The following MINK1 variants were observed in gnomAD, a reference collection of about 807,000 sequenced individuals.
MINK1 encodes the protein misshapen like kinase 1, also known as misshapen-like kinase 1.
Under a neutral mutation model 178.4 loss-of-function variants are expected in MINK1, and 46 were observed. That is an observed-to-expected ratio of 0.26 (90% CI 0.20 to 0.33). The LOEUF (loss-of-function observed/expected upper bound fraction) is 0.33. Ranked by LOEUF, MINK1 falls within the 10% of genes least tolerant of loss-of-function variation. The probability of loss-of-function intolerance (pLI) is 1.00; values close to 1 mark genes in which losing one functional copy is unlikely to be tolerated. For synonymous variants in MINK1, 797 were observed against 709.7 expected (o/e 1.12, Z -1.96); for missense variants, 1,366 against 1,814.9 (o/e 0.75, Z 4.49).
chr17:4,888,841 G>C (rs993750771), intron 12 of MINK1, among the ~76,000 whole-genome samples: 2 of 151,866 alleles, frequency 1.3e-5, no homozygotes, highest in African/African-American at 2.4e-5. Flanking sequence ...GGGATTACAG[G>C]AATGCGCCAC....
intron 1 of MINK1, chr17:4,871,145 A>T: frequency 3.9e-6 from 1 of 253,270 alleles, no homozygotes; most frequent in East Asian, 1.4e-4. Context: ...AACATCTAGC[A>T]GTAGTTTATT....
chr17:4,887,684 T>TGCA lies in MINK1; in HGVS notation c.1139_1141dup (p.Gln380dup), dbSNP rs752399585. The TGCA allele has an allele frequency of 3.6e-5, 56 of 1,561,096 alleles. No individual in the cohort carries two copies. Among genetic ancestry groups the TGCA allele is most frequent in the Middle Eastern group, 1.7e-4 (1 of 5,966 alleles). ...GAGGCTTTAAAACAGCAGCAGCAGC[T>TGCA]GCAGCAGCAGCAGCAGCGAGACCCC... On this transcript the variant is annotated inframe_insertion, in exon 12 of 32. Transcript: ENST00000355280. The surrounding 1 kb of genome is among the most constrained non-coding windows in gnomAD (Gnocchi z 7.6).
Position 4,896,420 on chromosome 17 carries a change from TC to T in MINK1, c.3616-8del. 1 of 1,613,186 alleles carries T rather than the reference TC, an allele frequency of 6.2e-7. No homozygotes were observed. The highest frequency in any genetic ancestry group is 8.5e-7 in the Non-Finnish European group (1 of 1,179,494). ...ACACGGAGACTCTAGTCCCCCTCCT[TC>T]TCCCCAGATCCAGAGCCAGATCACG... On this transcript the variant is annotated splice_region_variant and splice_polypyrimidine_tract_variant and intron_variant, in intron 29 of 31. Coordinates refer to ENST00000355280, the MANE Select transcript of MINK1 (RefSeq NM_153827.5). This position sits in a 1 kb window ranked among gnomAD's most constrained non-coding sequence, Gnocchi z 4.6.
rs367728928 is a variant in MINK1 at position 4,887,069 on chromosome 17, G to A, written c.950-41G>A. ...GGTTTCCCTAGCCCACGGCGGGTCT[G>A]GGGCGCTGGGTGAGATAACTGCAGT... On this transcript the variant is annotated intron_variant, in intron 10 of 31. Transcript: ENST00000355280. This position sits in a 1 kb window ranked among gnomAD's most constrained non-coding sequence, Gnocchi z 7.6. 3.9e-6 allele frequency: 6 copies of A among 1,551,352 alleles called. No homozygotes were observed. Among genetic ancestry groups the A allele is most frequent in the Admixed American group, 1.9e-5 (1 of 51,476 alleles).
chr17:4,874,866 A>G (rs1467256915), intron 1 of MINK1, among the ~76,000 whole-genome samples: 1 of 152,180 alleles, frequency 6.6e-6, no homozygotes, highest in African/African-American at 2.4e-5. Context: ...TTCCTCCCTC[A>G]GTGCCGCCCA....
chr17:4,834,906 G>A, intron 1 of MINK1: 2 of 518,378 alleles, frequency 3.9e-6, no homozygotes, highest in Admixed American at 2.0e-5. Flanking sequence ...GGGGAGAGGG[G>A]AATTGAAGAG....
intron 15 of MINK1, 82 bp downstream of exon 15, chr17:4,891,206 A>ACACG (rs1968774087): frequency 2.1e-6 from 1 of 466,834 alleles, no homozygotes; most frequent in African/African-American, 1.8e-5. Context: ...GCGCGCACAC[A>ACACG]CACACACACA....
At chr17:4,860,674 G>C in intron 1 of MINK1, 1 of 517,508 alleles carries the variant, frequency 1.9e-6, no homozygotes, top group East Asian at 5.5e-5. Context: ...GAGGAGTCCA[G>C]GGAGTCCCTT....
intron 19 of MINK1, 97 bp downstream of exon 19, chr17:4,892,865 C>T: frequency 1.5e-6 from 2 of 1,376,724 alleles, no homozygotes; most frequent in African/African-American, 1.5e-5. Flanking sequence ...CCCACACGGA[C>T]AGGGAGGACC....
At position 4,895,372 on chromosome 17, in the gene MINK1, G is replaced by A. The variant is rs747366984; in HGVS notation, c.3108G>A (p.Thr1036=). The A allele has an allele frequency of 1.9e-5, 31 of 1,607,614 alleles. No individual in the cohort carries two copies. The highest frequency in any genetic ancestry group is 3.3e-4 in the Middle Eastern group (2 of 6,048). The change falls in exon 26 of 32, where the codon ACG becomes ACA. Residue 1036 remains threonine (T), a synonymous_variant. Transcript: ENST00000355280. The surrounding 1 kb of genome is among the most constrained non-coding windows in gnomAD (Gnocchi z 4.3). ...ALWGVNLLVG[T]ENGLMLLDRS... is the part of the protein sequence containing the mutation. ...CAGGGGTCAACCTGCTGGTGGGCACGGAGAACGGGCTGATGTTGCTGGACC... is the reference window on the plus strand; with the variant it reads ...CAGGGGTCAACCTGCTGGTGGGCACAGAGAACGGGCTGATGTTGCTGGACC...
rs772656360 is a variant in MINK1, at chr17:4,892,992, G to A, written c.2325G>A (p.Pro775=). 2.9e-5 allele frequency: 46 copies of A among 1,575,546 alleles called. No individual in the cohort carries two copies. The highest frequency in any genetic ancestry group is 3.5e-5 in the Non-Finnish European group (41 of 1,162,068). The part of the protein sequence containing the change: ...ERNRVGVSSK[P]DSSPVLSPGN... ...CCTGCCGTCCAGTCTCCTCCAAACC[G>A]GACAGCTCCCCTGTGCTCTCCCCTG... is the stretch of plus-strand genomic sequence containing the variant. Residue 775 remains proline (P), a synonymous_variant, in exon 20 of 32, where the codon CCG becomes CCA. Coordinates refer to ENST00000355280, the MANE Select transcript of MINK1 (RefSeq NM_153827.5).
At chr17:4,869,519 C>A (rs977842790) in intron 1 of MINK1, among the ~76,000 whole-genome samples, 1 of 149,354 alleles carries the variant, frequency 6.7e-6, no homozygotes, top group African/African-American at 2.5e-5. Flanking sequence ...TCAAGTGATC[C>A]TCCTGCCTCG....
intron 1 of MINK1, among the ~76,000 whole-genome samples, chr17:4,868,502 C>A (rs2150931097): frequency 6.6e-6 from 1 of 152,276 alleles, no homozygotes; most frequent in African/African-American, 2.4e-5. Context: ...ATGAGAGAGT[C>A]CATGTAATGT....
intron 1 of MINK1, among the ~76,000 whole-genome samples, chr17:4,858,085 A>G (rs1303761576): frequency 1.3e-5 from 2 of 152,164 alleles, no homozygotes; most frequent in African/African-American, 4.8e-5. Flanking sequence ...GATAGGTTTT[A>G]AAGCTCCATT....
rs767248956 is a variant in MINK1 at position 4,886,527 on chromosome 17, C to T, written c.850C>T (p.Leu284=). 23 of 1,613,662 alleles carry T rather than the reference C, an allele frequency of 1.4e-5. No homozygotes were observed. The highest frequency in any genetic ancestry group is 1.9e-5 in the Non-Finnish European group (22 of 1,179,808). The stretch of plus-strand genomic sequence containing the variant: ...GAGCCGCCCACCCACGGAGCAGCTA[C>T]TGAAGTTTCCCTTCATCCGGGACCA... ...YLSRPPTEQL[L]KFPFIRDQPT... The change falls in exon 10 of 32, where the codon CTG becomes TTG. Residue 284 remains leucine, a synonymous_variant. Coordinates refer to ENST00000355280, the MANE Select transcript of MINK1 (RefSeq NM_153827.5). This position sits in a 1 kb window ranked among gnomAD's most constrained non-coding sequence, Gnocchi z 6.1.
At position 4,896,278 on chromosome 17, in the gene MINK1, G is replaced by A. The variant is rs754153966; in HGVS notation, c.3551G>A (p.Ser1184Asn). ...CGGCTCAAGGTCATCTATGGCTCCA[G>A]TGCTGGCTTCCATGCTGTGGATGTC... Reference protein sequence around the residue: ...GQRLKVIYGSSAGFHAVDVDS... With the variant: ...GQRLKVIYGSNAGFHAVDVDS... The change falls in exon 29 of 32, where the codon AGT becomes AAT. Residue 1184 changes from serine (S) to asparagine (N), a missense_variant. Transcript: ENST00000355280. The surrounding 1 kb of genome is among the most constrained non-coding windows in gnomAD (Gnocchi z 4.6). 6.2e-7 allele frequency: 1 copy of A among 1,607,318 alleles called. No homozygotes were observed. Among genetic ancestry groups the A allele is most frequent in the Admixed American group, 1.7e-5 (1 of 59,570 alleles).
chr17:4,892,044 C>T, intron 16 of MINK1, 105 bp from the exon 17 acceptor site: 1 of 950,574 alleles, frequency 1.1e-6, no homozygotes, highest in Non-Finnish European at 1.6e-6. Context: ...CCTCAGTTTT[C>T]TCATCCATCA....
chr17:4,872,963 C>T (rs1016117933), intron 1 of MINK1, among the ~76,000 whole-genome samples: 1 of 152,200 alleles, frequency 6.6e-6, no homozygotes, highest in Non-Finnish European at 1.5e-5. Flanking sequence ...TTCCTCAGCA[C>T]AGCCCTGTCT....
At position 4,886,234 on chromosome 17, in the gene MINK1, G is replaced by C; in HGVS notation, c.773+36G>C. The C allele has an allele frequency of 6.2e-7, 1 of 1,605,862 alleles. No individual in the cohort carries two copies. Among genetic ancestry groups the C allele is most frequent in the Non-Finnish European group, 8.5e-7 (1 of 1,172,510 alleles). On this transcript the variant is annotated intron_variant, in intron 9 of 31. Transcript: ENST00000355280. This position sits in a 1 kb window ranked among gnomAD's most constrained non-coding sequence, Gnocchi z 6.1. The stretch of plus-strand genomic sequence containing the variant: ...GAGAGTGTGGGCTCTGGGAAGGAAG[G>C]TCCCTGGACAAGGCCATCCCCACCT...
Sources: gnomAD v4.1 joint callset for allele counts (sites outside exome capture counted in the v4.1 genomes callset) on GRCh38, gnomAD v4.1.1 for gene constraint, Gnocchi (gnomAD v3.1) non-coding constraint, MANE v1.5 for transcripts, NCBI Gene and HGNC (gene_info 2026-07-23, HGNC 2026-07-21) for gene names.